CLIC4: variants seen among roughly 807,000 people sequenced by gnomAD.
CLIC4 encodes the protein chloride intracellular channel protein 4.
In CLIC4, 13 loss-of-function variants were observed where a neutral mutation model predicts 24.6. The ratio of observed to expected loss-of-function variants is 0.53; its 90% CI spans 0.34 to 0.84. The LOEUF (loss-of-function observed/expected upper bound fraction) is 0.84, where lower values mean the gene tolerates loss of function less well. Ranked by LOEUF, CLIC4 falls within the 40% of genes least tolerant of loss-of-function variation. The pLI is 0.01. For missense variants in CLIC4, 227 were observed against 301.7 expected, an observed-to-expected ratio of 0.75 and a Z score of 1.83; for synonymous variants, 104 against 111.3, an observed-to-expected ratio of 0.93 and a Z score of 0.41.
chr1:24,766,797 C>T (rs1216541237), intron 1 of CLIC4, among the ~76,000 whole-genome samples: 3 of 151,550 alleles, frequency 2.0e-5, no homozygotes, highest in East Asian at 1.9e-4. Context: ...TGAGCCACCA[C>T]GCCTAGCCAG....
Position 24,840,707 on chromosome 1 carries a change from A to C in CLIC4, c.598-66A>C, listed in dbSNP as rs1029319796. On this transcript the variant is annotated intron_variant, in intron 5 of 5. Transcript: ENST00000374379. Reference sequence around the variant, plus strand: ...AGCATTAATTATTTGCTCCAAAATCAGAGATATGTCTAGTTTACAAGACGT... The same window carrying C: ...AGCATTAATTATTTGCTCCAAAATCCGAGATATGTCTAGTTTACAAGACGT... The C allele has an allele frequency of 2.3e-6, 3 of 1,315,476 alleles. No individual in the cohort carries two copies. The African/African-American group carries it at 4.5e-5, about 20-fold the overall frequency. 81.5% of individuals were successfully genotyped at this position (1,315,476 alleles called of 1,614,324 possible). A position where few individuals can be genotyped will look rare whatever the true frequency, so the allele number is the denominator to read the frequency against.
chr1:24,840,131 T>G (rs1639927805), intron 5 of CLIC4, 90 bp downstream of exon 5: 1 of 1,251,394 alleles, frequency 8.0e-7, no homozygotes. Flanking sequence ...ACATTTCTGA[T>G]TTTATATGAC....
intron 3 of CLIC4, among the ~76,000 whole-genome samples, chr1:24,822,762 A>G (rs1246245871): frequency 2.6e-5 from 4 of 152,210 alleles, no homozygotes; most frequent in Non-Finnish European, 5.9e-5. Flanking sequence ...AGTGGGCTCT[A>G]TGGACCCAGA....
intron 2 of CLIC4, among the ~76,000 whole-genome samples, chr1:24,799,450 C>G (rs1015154967): frequency 2.7e-5 from 4 of 149,766 alleles, no homozygotes; most frequent in Non-Finnish European, 5.9e-5. Context: ...CCCCTCCGCC[C>G]GGCAGCTGCC....
intron 1 of CLIC4, among the ~76,000 whole-genome samples, chr1:24,759,519 G>A (rs555273362): frequency 2.6e-5 from 4 of 151,950 alleles, no homozygotes; most frequent in Non-Finnish European, 4.4e-5. Context: ...TGAAATAGAA[G>A]CTTAAGAAAT....
At position 24,821,671 on chromosome 1, in the gene CLIC4, C is replaced by T. The variant is rs568073042; in HGVS notation, c.309-5339C>T. Among the ~76,000 whole-genome samples, 18 of 152,250 alleles carry T rather than the reference C, an allele frequency of 1.2e-4. No homozygotes were observed. The East Asian group carries it at 3.3e-3, about 28-fold the overall frequency. On this transcript the variant is annotated intron_variant, in intron 3 of 5. Coordinates refer to ENST00000374379, the MANE Select transcript of CLIC4 (RefSeq NM_013943.3). ...CAGGCTCATAATCCTCCTGCCTCAG[C>T]CTCTTGAGTAGCTGGGAGTACAGGT...
chr1:24,795,323 A>G (rs1474780150), intron 1 of CLIC4, among the ~76,000 whole-genome samples: 1 of 152,144 alleles, frequency 6.6e-6, no homozygotes, highest in East Asian at 1.9e-4. Context: ...TATTATAAAT[A>G]TATCTTTTGC....
chr1:24,814,038 T>TCA, intron 2 of CLIC4, 56 bp from the exon 3 acceptor site: 1 of 1,607,952 alleles, frequency 6.2e-7, no homozygotes, highest in Admixed American at 1.7e-5. Flanking sequence ...TTTAAAGTAT[T>TCA]ATTGTTGTTT....
intron 1 of CLIC4, among the ~76,000 whole-genome samples, chr1:24,787,746 C>T (rs181129594): frequency 2.0e-5 from 3 of 151,050 alleles, no homozygotes; most frequent in Non-Finnish European, 2.9e-5. Flanking sequence ...GGGGTTTCAC[C>T]GTGTTAGCCA....
intron 2 of CLIC4, among the ~76,000 whole-genome samples, chr1:24,801,506 T>C (rs1034926091): frequency 6.6e-6 from 1 of 152,234 alleles, no homozygotes; most frequent in Non-Finnish European, 1.5e-5. Context: ...TCTTCCACCA[T>C]TGAAAATTAC....
chr1:24,745,756 G>A, intron 1 of CLIC4, 131 bp downstream of exon 1: 1 of 631,834 alleles, frequency 1.6e-6, no homozygotes, highest in Non-Finnish European at 2.4e-6. Flanking sequence ...GGGCACCCGC[G>A]CCCCCGGCCC....
At chr1:24,822,101 C>T (rs912322770) in intron 3 of CLIC4, among the ~76,000 whole-genome samples, 1 of 152,144 alleles carries the variant, frequency 6.6e-6, no homozygotes. Context: ...GAAGCCACAT[C>T]AATATGACTT....
intron 4 of CLIC4, among the ~76,000 whole-genome samples, chr1:24,839,452 A>G (rs1454734920): frequency 6.6e-6 from 1 of 152,076 alleles, no homozygotes; most frequent in African/African-American, 2.4e-5. Context: ...GGCGCCCGCC[A>G]CCACGCCCGG....
chr1:24,786,787 T>G (rs1217433238), intron 1 of CLIC4, among the ~76,000 whole-genome samples: 1 of 151,848 alleles, frequency 6.6e-6, no homozygotes, highest in Non-Finnish European at 1.5e-5. Flanking sequence ...CCGGCTAATT[T>G]TTTTGTATTT....
Position 24,770,405 on chromosome 1 carries a change from C to T in CLIC4, c.72+24780C>T, listed in dbSNP as rs146830072. Reference sequence around the variant, plus strand: ...ATATTAGGTATAAACTAAATATAGACGTGTAATCCAGGAGTGAAGTCACAT... The same window carrying T: ...ATATTAGGTATAAACTAAATATAGATGTGTAATCCAGGAGTGAAGTCACAT... On this transcript the variant is annotated intron_variant, in intron 1 of 5. Coordinates refer to ENST00000374379, the MANE Select transcript of CLIC4 (RefSeq NM_013943.3). Among the ~76,000 whole-genome samples, 245 of 151,324 alleles carry T rather than the reference C, an allele frequency of 1.6e-3. 1 individual carries two copies. Among genetic ancestry groups the T allele is most frequent in the African/African-American group, 5.5e-3 (228 of 41,208 alleles).
intron 1 of CLIC4, among the ~76,000 whole-genome samples, chr1:24,772,120 A>G (rs1639077635): frequency 6.6e-6 from 1 of 152,220 alleles, no homozygotes; most frequent in Admixed American, 6.5e-5. Flanking sequence ...AGAAAGAAAA[A>G]ATATTTCAGG....
chr1:24,799,017 T>C (rs1639439950), intron 2 of CLIC4, among the ~76,000 whole-genome samples: 2 of 152,352 alleles, frequency 1.3e-5, no homozygotes, highest in South Asian at 4.1e-4. Context: ...CCCAGCCGTC[T>C]GCCTTGGCCT....
intron 1 of CLIC4, among the ~76,000 whole-genome samples, chr1:24,776,360 T>C (rs1270908522): frequency 6.6e-6 from 1 of 152,156 alleles, no homozygotes; most frequent in Non-Finnish European, 1.5e-5. Context: ...GTTCCTTTCC[T>C]CCAAGTGCCA....
chr1:24,759,687 G>A (rs147198229), intron 1 of CLIC4, among the ~76,000 whole-genome samples: 3 of 152,192 alleles, frequency 2.0e-5, no homozygotes, highest in Non-Finnish European at 4.4e-5. Flanking sequence ...GGTGACTCAC[G>A]CCTGTACTCC....
Sources: allele counts gnomAD v4.1 joint callset (sites outside exome capture counted in the v4.1 genomes callset), GRCh38; gene constraint gnomAD v4.1.1; transcripts MANE v1.5; gene names NCBI Gene and HGNC (gene_info 2026-07-23, HGNC 2026-07-21).